RGS6: variants seen among roughly 807,000 people sequenced by gnomAD.
The protein encoded by RGS6 is regulator of G-protein signaling 6.
A neutral mutation model predicts 78.5 loss-of-function variants in RGS6; 30 were observed. The observed-to-expected ratio is 0.38, with a 90% CI of 0.29 to 0.52. RGS6 has a LOEUF of 0.52. RGS6 is among the 20% of genes least tolerant of loss of function. The pLI, the probability that RGS6 is intolerant of heterozygous loss-of-function variation, is 0.85. For synonymous variants in RGS6, 206 were observed against 206.0 expected, an observed-to-expected ratio of 1.00 and a Z score of 0.00; for missense variants, 495 against 609.7, an observed-to-expected ratio of 0.81 and a Z score of 1.98.
the RGS6 span, among the ~76,000 whole-genome samples, chr14:72,608,469 G>A: frequency 6.6e-6 from 1 of 152,126 alleles, no homozygotes; most frequent in Non-Finnish European, 1.5e-5. Flanking sequence ...GCAGCTGAGA[G>A]AAAAGAAGCA....
intron 2 of RGS6, among the ~76,000 whole-genome samples, chr14:72,166,354 AAATT>A (rs1292422008): frequency 1.3e-5 from 2 of 152,200 alleles, no homozygotes; most frequent in African/African-American, 4.8e-5. Flanking sequence ...TATTTTTCCA[AAATT>A]AATCCTGAAT....
At chr14:72,204,830 G>T (rs1233854250) in intron 2 of RGS6, among the ~76,000 whole-genome samples, 2 of 152,202 alleles carry the variant, frequency 1.3e-5, no homozygotes, top group Admixed American at 1.3e-4. Flanking sequence ...TTCAGACCTA[G>T]CAGATGATTT....
the RGS6 span, among the ~76,000 whole-genome samples, chr14:72,592,373 C>T: frequency 6.6e-6 from 1 of 152,234 alleles, no homozygotes; most frequent in Non-Finnish European, 1.5e-5. Context: ...GTATTTCAAG[C>T]ATTAGAACAT....
At chr14:72,169,893 G>T (rs557014358) in intron 2 of RGS6, among the ~76,000 whole-genome samples, 1 of 152,218 alleles carries the variant, frequency 6.6e-6, no homozygotes, top group Non-Finnish European at 1.5e-5. Context: ...ATCCGAATCT[G>T]CATTTTACCA....
intron 3 of RGS6, among the ~76,000 whole-genome samples, chr14:72,444,318 C>T (rs2095301552): frequency 6.6e-6 from 1 of 151,896 alleles, no homozygotes; most frequent in Admixed American, 6.6e-5. Flanking sequence ...TCATAATGCA[C>T]AGGAAAGCTT....
chr14:72,318,443 T>G (rs1053821182), intron 2 of RGS6, among the ~76,000 whole-genome samples: 1 of 152,090 alleles, frequency 6.6e-6, no homozygotes, highest in South Asian at 2.1e-4. Context: ...ATCAATAATT[T>G]GCACCCTCCA....
chr14:72,502,754 A>C (rs1455595660), intron 13 of RGS6, among the ~76,000 whole-genome samples: 1 of 150,370 alleles, frequency 6.7e-6, no homozygotes, highest in Non-Finnish European at 1.5e-5. Flanking sequence ...ACAGGGTGAG[A>C]CTCCATCTCA....
chr14:72,370,340 C>T (rs2083242323), intron 3 of RGS6, among the ~76,000 whole-genome samples: 1 of 152,116 alleles, frequency 6.6e-6, no homozygotes, highest in Non-Finnish European at 1.5e-5. Context: ...GGCCCATGGA[C>T]ATTATCTCCT....
intron 14 of RGS6, 77 bp downstream of exon 14, chr14:72,510,356 T>G (rs2153447407): frequency 6.4e-7 from 1 of 1,564,626 alleles, no homozygotes; most frequent in African/African-American, 1.4e-5. Flanking sequence ...CATCTCTCTC[T>G]CTCTCAATGA....
chr14:72,343,925 T>G (rs1038026525), intron 2 of RGS6, among the ~76,000 whole-genome samples: 12 of 152,220 alleles, frequency 7.9e-5, no homozygotes, highest in African/African-American at 2.9e-4. Context: ...TGCTAGAATA[T>G]TTCATTGGCC....
intron 3 of RGS6, among the ~76,000 whole-genome samples, chr14:72,447,682 A>G (rs1431070721): frequency 6.6e-6 from 1 of 152,076 alleles, no homozygotes; most frequent in Non-Finnish European, 1.5e-5. Context: ...AGTCAAGATG[A>G]TGGGTCCCAT....
chr14:71,975,578 C>A (rs750331229), intron 2 of RGS6, among the ~76,000 whole-genome samples: 1 of 152,082 alleles, frequency 6.6e-6, no homozygotes, highest in East Asian at 1.9e-4. Context: ...CCTGCCCCAA[C>A]CTCCCGAGTA....
chr14:72,058,345 T>C (rs1002556338), intron 2 of RGS6, among the ~76,000 whole-genome samples: 3 of 152,222 alleles, frequency 2.0e-5, no homozygotes, highest in Non-Finnish European at 4.4e-5. Context: ...TGTTAAATAT[T>C]TTAAGACAGC....
the RGS6 span, among the ~76,000 whole-genome samples, chr14:72,599,986 C>T: frequency 9.6e-4 from 146 of 152,252 alleles, no homozygotes; most frequent in East Asian, 2.1e-3. Flanking sequence ...TCCCCTCTGA[C>T]GGCAGGGAGG....
At chr14:72,599,028 G>C in the RGS6 span, among the ~76,000 whole-genome samples, 2 of 152,062 alleles carry the variant, frequency 1.3e-5, no homozygotes, top group Middle Eastern at 3.2e-3. Context: ...AAACAAGCTT[G>C]GTCTGGGCAT....
chr14:71,868,661 G>A, the RGS6 span, among the ~76,000 whole-genome samples: 1 of 152,122 alleles, frequency 6.6e-6, no homozygotes, highest in African/African-American at 2.4e-5. Context: ...TGAACCACTC[G>A]ATTTCTCTCA....
intron 2 of RGS6, among the ~76,000 whole-genome samples, chr14:72,036,519 A>G (rs945269682): frequency 2.0e-5 from 3 of 152,120 alleles, no homozygotes; most frequent in Non-Finnish European, 4.4e-5. Flanking sequence ...AGCCATTCTA[A>G]TATGTGTATA....
At position 72,469,718 on chromosome 14, in the gene RGS6, CAA is replaced by C. The variant is rs575133781; in HGVS notation, c.460-288_460-287del. The C allele has an allele frequency of 7.2e-4, 190 of 265,380 alleles. 1 individual carries two copies. The East Asian group carries it at 0.014, about 19-fold the overall frequency. 16.4% of individuals were successfully genotyped at this position (265,380 alleles called of 1,614,324 possible). On this transcript the variant is annotated intron_variant, in intron 7 of 17. Transcript: ENST00000553525. ...TCCCGATTTTCAGCAACCTTTGAAACAAGTGCTGTGTGAGTTGCATTCTTGTA... is the reference window on the plus strand; with the variant it reads ...TCCCGATTTTCAGCAACCTTTGAAACGTGCTGTGTGAGTTGCATTCTTGTA...
intron 2 of RGS6, among the ~76,000 whole-genome samples, chr14:71,970,995 A>C (rs969910050): frequency 1.3e-5 from 2 of 152,190 alleles, no homozygotes; most frequent in African/African-American, 4.8e-5. Context: ...AAAAGAGCAG[A>C]TTTGTGATGT....
Sources: allele counts gnomAD v4.1 joint callset (sites outside exome capture counted in the v4.1 genomes callset), GRCh38; gene constraint gnomAD v4.1.1; transcripts MANE v1.5; gene names NCBI Gene and HGNC (gene_info 2026-07-23, HGNC 2026-07-21).